The following RAI14 variants were observed in gnomAD, a reference collection of about 807,000 sequenced individuals.
The protein encoded by RAI14 is retinoic acid induced 14.
In RAI14, 45 loss-of-function variants were observed where a neutral mutation model predicts 115.4. That is an observed-to-expected ratio of 0.39 (90% CI 0.31 to 0.50). The LOEUF (loss-of-function observed/expected upper bound fraction) is 0.50, where lower values mean the gene tolerates loss of function less well. RAI14 is among the 20% of genes least tolerant of loss of function. RAI14 has a pLI of 0.85. For synonymous variants in RAI14, 371 were observed against 415.4 expected (o/e 0.89, Z 1.30); for missense variants, 939 against 1,131.2 (o/e 0.83, Z 2.44).
Position 34,656,365 on chromosome 5 carries a change from C to CGCAGGAAGCCGA in RAI14, c.-149_-138dup, listed in dbSNP as rs1187928923. On this transcript the variant is annotated 5_prime_UTR_variant, in exon 1 of 18. Transcript: ENST00000265109. ...AGCGGGGGAGGAGGAGGGACTGCGG[C>CGCAGGAAGCCGA]GCAGGAAGCCGAGCAGGAAGCGAGC... 1 of 151,986 alleles carries CGCAGGAAGCCGA rather than the reference C, an allele frequency of 6.6e-6. No homozygotes were observed. Among genetic ancestry groups the CGCAGGAAGCCGA allele is most frequent in the African/African-American group, 2.4e-5 (1 of 41,400 alleles). 9.4% of individuals were successfully genotyped at this position (151,986 alleles called of 1,614,324 possible).
chr5:34,673,625 C>T (rs953980016), intron 1 of RAI14, among the ~76,000 whole-genome samples: 1 of 152,142 alleles, frequency 6.6e-6, no homozygotes, highest in Non-Finnish European at 1.5e-5. Flanking sequence ...GTGTCAGAGA[C>T]CCAACTTGAA....
At chr5:34,734,525 A>C (rs1744613567) in intron 2 of RAI14, among the ~76,000 whole-genome samples, 1 of 152,158 alleles carries the variant, frequency 6.6e-6, no homozygotes, top group East Asian at 1.9e-4. Flanking sequence ...TTTTTAGTAG[A>C]AGGAGTAGAA....
At chr5:34,709,216 G>C (rs1327622127) in intron 2 of RAI14, among the ~76,000 whole-genome samples, 1 of 151,482 alleles carries the variant, frequency 6.6e-6, no homozygotes, top group Non-Finnish European at 1.5e-5. Flanking sequence ...GGGAGGCCAA[G>C]GTGGGCAGAT....
chr5:34,807,670 A>G, intron 5 of RAI14, 130 bp from the exon 6 acceptor site: 1 of 735,164 alleles, frequency 1.4e-6, no homozygotes, highest in Admixed American at 2.3e-5. Flanking sequence ...CCTGGAACAC[A>G]GCAGCTGGGG....
chr5:34,659,304 G>C (rs1423183980), intron 1 of RAI14, among the ~76,000 whole-genome samples: 1 of 152,200 alleles, frequency 6.6e-6, no homozygotes, highest in Non-Finnish European at 1.5e-5. Flanking sequence ...GTCTCGCTCT[G>C]TCACCCAGGC....
At chr5:34,682,043 CAG>C (rs2149874011) in intron 1 of RAI14, among the ~76,000 whole-genome samples, 1 of 152,050 alleles carries the variant, frequency 6.6e-6, no homozygotes, top group Admixed American at 6.5e-5. Flanking sequence ...TTGGTAGAGA[CAG>C]GGTTTCACCA....
rs1757838863 is a variant in RAI14, at chr5:34,829,780, C to A, written c.2848C>A (p.Leu950Ile). ...GGTCATATCAGTTTACAGAATGCAT[C>A]TTCTGTATGCTGTGCAGGTATGGTT... ...QEVISVYRMH[L>I]LYAVQGQMDE... is the part of the protein sequence containing the mutation. The change falls in exon 17 of 18, where the codon CTT (leucine) becomes ATT (isoleucine). Residue 950 changes from leucine (L) to isoleucine (I), a missense_variant. Leu to Ile is a conservative substitution (Grantham distance 5). Transcript: ENST00000265109. The A allele has an allele frequency of 6.2e-7, 1 of 1,611,142 alleles. No individual in the cohort carries two copies. The highest frequency in any genetic ancestry group is 8.5e-7 in the Non-Finnish European group (1 of 1,178,114).
chr5:34,747,426 TG>T (rs1746424660), intron 2 of RAI14, among the ~76,000 whole-genome samples: 1 of 152,340 alleles, frequency 6.6e-6, no homozygotes, highest in South Asian at 2.1e-4. Context: ...AAGTAGCTAT[TG>T]GGTATGTTTC....
chr5:34,742,737 C>G (rs556071867), intron 2 of RAI14, among the ~76,000 whole-genome samples: 2 of 152,144 alleles, frequency 1.3e-5, no homozygotes, highest in Admixed American at 1.3e-4. Flanking sequence ...GATCTCGGCT[C>G]ACTGCAACCT....
chr5:34,717,391 A>C (rs1403911998), intron 2 of RAI14, among the ~76,000 whole-genome samples: 2 of 152,230 alleles, frequency 1.3e-5, no homozygotes, highest in Admixed American at 6.5e-5. Context: ...ATATGGATGC[A>C]ATTTTAATAC....
chr5:34,822,250 G>A (rs866660381), intron 14 of RAI14, among the ~76,000 whole-genome samples: 10 of 134,726 alleles, frequency 7.4e-5, no homozygotes, highest in South Asian at 2.3e-4. Context: ...ATGTGTGTAT[G>A]TATATATATA....
At chr5:34,790,270 TG>T (rs1752762839) in intron 3 of RAI14, among the ~76,000 whole-genome samples, 1 of 152,174 alleles carries the variant, frequency 6.6e-6, no homozygotes, top group Non-Finnish European at 1.5e-5. Flanking sequence ...CTCTTTCAGT[TG>T]GTTGTTTGAG....
At chr5:34,695,189 C>T (rs1233438643) in intron 2 of RAI14, among the ~76,000 whole-genome samples, 1 of 152,154 alleles carries the variant, frequency 6.6e-6, no homozygotes, top group Admixed American at 6.5e-5. Context: ...TGTGAGCCAC[C>T]GTGCCTGGCC....
At chr5:34,738,608 C>G (rs1358528995) in intron 2 of RAI14, among the ~76,000 whole-genome samples, 1 of 152,198 alleles carries the variant, frequency 6.6e-6, no homozygotes, top group Non-Finnish European at 1.5e-5. Flanking sequence ...CCCTCACCAT[C>G]ACCCTTTATT....
At chr5:34,659,186 T>C (rs1742506211) in intron 1 of RAI14, 1 of 152,240 alleles carries the variant, frequency 6.6e-6, no homozygotes, top group South Asian at 2.1e-4. Context: ...TTATTCACTT[T>C]AGCTGTTACA....
At position 34,830,899 on chromosome 5, in the gene RAI14, G is replaced by T. The variant is rs1580393361; in HGVS notation, c.*134G>T. The T allele has an allele frequency of 6.9e-7, 1 of 1,458,170 alleles. No individual in the cohort carries two copies. 90.3% of individuals were successfully genotyped at this position (1,458,170 alleles called of 1,614,324 possible). On this transcript the variant is annotated 3_prime_UTR_variant, in exon 18 of 18. Coordinates refer to ENST00000265109, the MANE Select transcript of RAI14 (RefSeq NM_015577.3). ...AGCGTAGCTTCTTCCCTTTCCAAAG[G>T]TTTCTGAGGACTTCTCCCAGGAGAA...
rs1342373752 is a variant in RAI14, at chr5:34,804,123, T to C, written c.321+347T>C. ...CGGTTTCTAAGCTGTTGGAGATCCT[T>C]ACCACACAGGATCTCCAGTATCCTA... On this transcript the variant is annotated intron_variant, in intron 5 of 17. Transcript: ENST00000265109. Among the ~76,000 whole-genome samples, 5 of 152,174 alleles carry C rather than the reference T, an allele frequency of 3.3e-5. No individual in the cohort carries two copies. The South Asian group carries it at 6.2e-4, about 19-fold the overall frequency.
chr5:34,796,763 C>T (rs1432683280), intron 4 of RAI14, among the ~76,000 whole-genome samples: 2 of 152,016 alleles, frequency 1.3e-5, no homozygotes, highest in Non-Finnish European at 2.9e-5. Context: ...TGCTGTACTT[C>T]AGGGCATCCA....
At chr5:34,683,263 A>G (rs890955076) in intron 1 of RAI14, among the ~76,000 whole-genome samples, 5 of 152,064 alleles carry the variant, frequency 3.3e-5, no homozygotes, top group Non-Finnish European at 5.9e-5. Flanking sequence ...TATCTTTATC[A>G]TTGTGGAATT....
Sources: allele counts gnomAD v4.1 joint callset (sites outside exome capture counted in the v4.1 genomes callset), GRCh38; gene constraint gnomAD v4.1.1; transcripts MANE v1.5; gene names NCBI Gene and HGNC (gene_info 2026-07-23, HGNC 2026-07-21).